The following MYBPC1 variants were observed in gnomAD, a reference collection of about 807,000 sequenced individuals.
MYBPC1 encodes the protein myosin binding protein C1, also known as myosin-binding protein C, slow-type.
Under a neutral mutation model 147.1 loss-of-function variants are expected in MYBPC1, and 52 were observed. That is an observed-to-expected ratio of 0.35 (90% CI 0.28 to 0.45). The LOEUF (loss-of-function observed/expected upper bound fraction) is 0.45. Ranked by LOEUF, MYBPC1 falls within the 20% of genes least tolerant of loss-of-function variation. MYBPC1 has a pLI of 1.00. For missense variants in MYBPC1, 1,228 were observed against 1,440.3 expected (o/e 0.85, Z 2.39); for synonymous variants, 477 against 475.9 (o/e 1.00, Z -0.03).
At position 101,631,608 on chromosome 12, in the gene MYBPC1, A is replaced by G; in HGVS notation, c.327A>G (p.Glu109=). ...DITFIAKVKA[E]DLLRKPTIKW... ...CCTTCATAGCCAAAGTCAAGGCTGA[A>G]GATCTTCTGAGAAAACCCACTATCA... The change falls in exon 7 of 32, where the codon GAA becomes GAG. Residue 109 remains glutamate (E), a synonymous_variant. Coordinates refer to ENST00000361466, the MANE Select transcript of MYBPC1 (RefSeq NM_002465.4). 1 of 1,614,162 alleles carries G rather than the reference A, an allele frequency of 6.2e-7. No individual in the cohort carries two copies. The highest frequency in any genetic ancestry group is 1.1e-5 in the South Asian group (1 of 91,082).
chr12:101,663,373 A>G, intron 21 of MYBPC1, 53 bp from the exon 22 acceptor site: 1 of 1,491,810 alleles, frequency 6.7e-7, no homozygotes, highest in Non-Finnish European at 9.3e-7. Flanking sequence ...CAGTTCCTGC[A>G]CTATAGCTGT....
intron 3 of MYBPC1, among the ~76,000 whole-genome samples, chr12:101,623,501 A>G (rs975338974): frequency 4.6e-5 from 7 of 152,240 alleles, no homozygotes; most frequent in African/African-American, 1.7e-4. Context: ...AAGTAAGTGA[A>G]TACTCTTCTC....
At chr12:101,595,750 A>G (rs529706366) in intron 1 of MYBPC1, among the ~76,000 whole-genome samples, 1 of 152,262 alleles carries the variant, frequency 6.6e-6, no homozygotes. Flanking sequence ...AGAATTTCAT[A>G]ATATGTAGTA....
In MYBPC1 at chr12:101,673,617, T is replaced by C. The variant is rs1239722530; in HGVS notation, c.2804T>C (p.Ile935Thr). The C allele has an allele frequency of 6.2e-7, 1 of 1,614,104 alleles. No individual in the cohort carries two copies. The highest frequency in any genetic ancestry group is 8.5e-7 in the Non-Finnish European group (1 of 1,180,010). Reference sequence around the variant, plus strand: ...GAGACCGCATCAATTGACATCCAGATCATTGGTAGGTTTAGATGAAGGAGC... The same window carrying C: ...GAGACCGCATCAATTGACATCCAGACCATTGGTAGGTTTAGATGAAGGAGC... The part of the protein sequence containing the change: ...FVETASIDIQ[I>T]IDRPGPPQIV... The change falls in exon 25 of 32, where the codon ATC becomes ACC. Residue 935 changes from isoleucine (I) to threonine (T), a missense_variant. Ile to Thr is a moderately conservative substitution (Grantham distance 89). Around this residue, in one of 2 missense-constraint regions of MYBPC1, gnomAD observed 1,077 missense variants for 1,314.2 expected, o/e 0.82. Coordinates refer to ENST00000361466, the MANE Select transcript of MYBPC1 (RefSeq NM_002465.4).
chr12:101,626,088 C>CAAAAAAA lies in MYBPC1; in HGVS notation c.104-766_104-760dup, dbSNP rs769008600. On this transcript the variant is annotated intron_variant, in intron 3 of 31. Coordinates refer to ENST00000361466, the MANE Select transcript of MYBPC1 (RefSeq NM_002465.4). The stretch of plus-strand genomic sequence containing the variant: ...GGGCAAAAAGAGTGAAACTCTGTCT[C>CAAAAAAA]AAAAAAAAAAAAAAAAAAAAAAAAT... Among the ~76,000 whole-genome samples the CAAAAAAA allele has an allele frequency of 2.3e-3, 129 of 55,068 alleles. 6 individuals carry two copies. The highest frequency in any genetic ancestry group is 7.4e-3 in the African/African-American group (113 of 15,326). The allele number at this position is 55,068 out of a possible 152,430, so 36.1% of individuals were successfully genotyped here. A position where few individuals can be genotyped will look rare whatever the true frequency, so the allele number is the denominator to read the frequency against.
chr12:101,626,936 C>A (rs369216018), intron 4 of MYBPC1, 26 bp downstream of exon 4: 303 of 1,592,226 alleles, frequency 1.9e-4, no homozygotes, highest in Middle Eastern at 1.0e-3. Flanking sequence ...ACCCTTTTCC[C>A]TGCTTTTAAA....
chr12:101,657,768 G>A (rs887732318), intron 18 of MYBPC1, among the ~76,000 whole-genome samples: 6 of 152,136 alleles, frequency 3.9e-5, no homozygotes, highest in African/African-American at 1.4e-4. Context: ...AAACATTTAA[G>A]AAAGAAATTG....
chr12:101,644,936 C>A, intron 12 of MYBPC1, 140 bp downstream of exon 12: 1 of 877,942 alleles, frequency 1.1e-6, no homozygotes, highest in Non-Finnish European at 1.8e-6. Flanking sequence ...ACATTTAAGT[C>A]ACATTTTATT....
rs769008600 is a variant in MYBPC1, at chr12:101,626,088, C to CAAAAAAAAAAAA, written c.104-771_104-760dup. Among the ~76,000 whole-genome samples, 185 of 54,940 alleles carry CAAAAAAAAAAAA rather than the reference C, an allele frequency of 3.4e-3. 1 individual carries two copies. Among genetic ancestry groups the CAAAAAAAAAAAA allele is most frequent in the Middle Eastern group, 0.019 (1 of 52 alleles). 36.0% of individuals were successfully genotyped at this position (54,940 alleles called of 152,430 possible). A position where few individuals can be genotyped will look rare whatever the true frequency, so the allele number is the denominator to read the frequency against. ...GGGCAAAAAGAGTGAAACTCTGTCT[C>CAAAAAAAAAAAA]AAAAAAAAAAAAAAAAAAAAAAAAT... On this transcript the variant is annotated intron_variant, in intron 3 of 31. Transcript: ENST00000361466.
chr12:101,610,630 AT>A (rs1245615104), intron 1 of MYBPC1, among the ~76,000 whole-genome samples: 3 of 152,218 alleles, frequency 2.0e-5, no homozygotes, highest in African/African-American at 7.2e-5. Context: ...ATTCCTGCCA[AT>A]AACCCCTGAG....
At chr12:101,681,221 T>C (rs913593883) in intron 29 of MYBPC1, among the ~76,000 whole-genome samples, 2 of 152,072 alleles carry the variant, frequency 1.3e-5, no homozygotes, top group Non-Finnish European at 2.9e-5. Flanking sequence ...ATTAATCAAC[T>C]ACCATTTTTA....
chr12:101,674,510 A>T (rs1899436736), intron 25 of MYBPC1, among the ~76,000 whole-genome samples: 1 of 152,170 alleles, frequency 6.6e-6, no homozygotes, highest in South Asian at 2.1e-4. Flanking sequence ...AGGGGAATAG[A>T]GGAAGGACCC....
At chr12:101,687,471 C>T (rs2136979853), downstream of MYBPC1, among the ~76,000 whole-genome samples, 2 of 152,270 alleles carry the variant, frequency 1.3e-5, no homozygotes, top group South Asian at 4.1e-4. Flanking sequence ...TCCAGTCTAT[C>T]ATTGTTGGGC....
intron 22 of MYBPC1, chr12:101,664,510 G>A (rs1174469253): frequency 2.0e-5 from 3 of 152,202 alleles, no homozygotes; most frequent in East Asian, 1.9e-4. Flanking sequence ...AGGAGGTTAC[G>A]AAGCACATTT....
intron 1 of MYBPC1, among the ~76,000 whole-genome samples, chr12:101,608,506 A>C (rs1189591160): frequency 1.3e-5 from 2 of 152,254 alleles, no homozygotes; most frequent in African/African-American, 4.8e-5. Context: ...GAATAAGCAG[A>C]AGTACAGCAG....
intron 3 of MYBPC1, among the ~76,000 whole-genome samples, chr12:101,624,846 G>T (rs896856983): frequency 4.6e-5 from 7 of 152,010 alleles, no homozygotes; most frequent in African/African-American, 1.7e-4. Flanking sequence ...AACAACAAAT[G>T]CTCTTTAAGG....
chr12:101,651,028 T>G, intron 15 of MYBPC1: 1 of 613,066 alleles, frequency 1.6e-6, no homozygotes, highest in Non-Finnish European at 2.8e-6. Context: ...TGCAATTTTC[T>G]GCATTCACCT....
intron 4 of MYBPC1, among the ~76,000 whole-genome samples, 191 bp from the exon 5 acceptor site, chr12:101,627,578 A>G (rs1434231199): frequency 2.6e-5 from 4 of 152,076 alleles, no homozygotes; most frequent in Non-Finnish European, 5.9e-5. Flanking sequence ...TTAAAATAAG[A>G]CACACACTTT....
At chr12:101,687,773 T>A (rs7957666), downstream of MYBPC1, among the ~76,000 whole-genome samples, 1 of 152,036 alleles carries the variant, frequency 6.6e-6, no homozygotes, top group African/African-American at 2.4e-5. Context: ...GCCAAGACAT[T>A]GGCCAAGCTA....
Sources: allele counts gnomAD v4.1 joint callset (sites outside exome capture counted in the v4.1 genomes callset), GRCh38; gene constraint gnomAD v4.1.1; regional missense constraint gnomAD v4.1.1; transcripts MANE v1.5; gene names NCBI Gene and HGNC (gene_info 2026-07-23, HGNC 2026-07-21).